Variants in GMEB2 observed in about 807,000 individuals in gnomAD.
GMEB2 encodes glucocorticoid modulatory element binding protein 2.
In GMEB2, 7 loss-of-function variants were observed where a neutral mutation model predicts 45.7. The ratio of observed to expected loss-of-function variants is 0.15; its 90% CI spans 0.09 to 0.29. The LOEUF is 0.29. GMEB2 is among the 10% of genes least tolerant of loss of function. The probability of loss-of-function intolerance (pLI) is 1.00; values close to 1 mark genes in which losing one functional copy is unlikely to be tolerated. For missense variants in GMEB2, 582 were observed against 739.2 expected (o/e 0.79, Z 2.47); for synonymous variants, 322 against 323.6 (o/e 1.00, Z 0.05).
At chr20:63,621,667 CAAAAAAAAAAAAAA>C (rs56222018) in intron 1 of GMEB2, among the ~76,000 whole-genome samples, 84 of 54,614 alleles carry the variant, frequency 1.5e-3, no homozygotes, top group Admixed American at 3.6e-3. Context: ...AACTCCATCT[CAAAAAAAAAAAAAA>C]AAAAAAAAAA....
At position 63,589,042 on chromosome 20, in the gene GMEB2, G is replaced by T. The variant is rs1288784734; in HGVS notation, c.*1047C>A. ...AGAGACCACCAAGGGCCAGCCCAGGGGCTGCATGGGGGCCGGGGGCCAGGG... is the reference window on the plus strand; with the variant it reads ...AGAGACCACCAAGGGCCAGCCCAGGTGCTGCATGGGGGCCGGGGGCCAGGG... On this transcript the variant is annotated 3_prime_UTR_variant, in exon 10 of 10. Coordinates refer to ENST00000370077, the MANE Select transcript of GMEB2 (RefSeq NM_012384.5). 5.0e-6 allele frequency: 2 copies of T among 398,908 alleles called. No homozygotes were observed. Among genetic ancestry groups the T allele is most frequent in the Non-Finnish European group, 8.8e-6 (2 of 226,358 alleles). 24.7% of individuals were successfully genotyped at this position (398,908 alleles called of 1,614,324 possible). A position where few individuals can be genotyped will look rare whatever the true frequency, so the allele number is the denominator to read the frequency against.
At chr20:63,621,667 C>CA (rs56222018) in intron 1 of GMEB2, among the ~76,000 whole-genome samples, 5,895 of 54,436 alleles carry the variant, frequency 0.11, 1,221 homozygotes, top group Non-Finnish European at 0.14. Context: ...AACTCCATCT[C>CA]AAAAAAAAAA....
In GMEB2 at chr20:63,590,524, C is replaced by T. The variant is rs778865423; in HGVS notation, c.1158G>A (p.Pro386=). The change falls in exon 10 of 10, where the codon CCG becomes CCA. Residue 386 remains proline, a synonymous_variant. Transcript: ENST00000370077. ...LTQSAQLALG[P]GVPVPQLTSV... is the part of the protein sequence containing the mutation. Reference sequence around the variant, plus strand: ...TGGTCAGCTGGGGGACGGGCACGCCCGGGCCAAGCGCCAGCTGGGCAGACT... The same window carrying T: ...TGGTCAGCTGGGGGACGGGCACGCCTGGGCCAAGCGCCAGCTGGGCAGACT... The T allele has an allele frequency of 2.4e-5, 36 of 1,516,688 alleles. No homozygotes were observed. Among genetic ancestry groups the T allele is most frequent in the South Asian group, 2.2e-4 (17 of 77,660 alleles). 94.0% of individuals were successfully genotyped at this position (1,516,688 alleles called of 1,614,324 possible).
intron 2 of GMEB2, among the ~76,000 whole-genome samples, chr20:63,608,967 A>ACC (rs1361245781): frequency 0.058 from 662 of 11,388 alleles, 82 homozygotes; most frequent in Non-Finnish European, 0.17. Flanking sequence ...TGCCCCTCTG[A>ACC]CTCACCTCCA....
intron 9 of GMEB2, among the ~76,000 whole-genome samples, chr20:63,591,410 G>A (rs1024236928): frequency 2.0e-5 from 3 of 152,080 alleles, no homozygotes; most frequent in Admixed American, 6.5e-5. Flanking sequence ...TGGAGGAAAC[G>A]CACCAATATC....
chr20:63,606,889 C>T (rs2089523733), intron 2 of GMEB2, among the ~76,000 whole-genome samples: 1 of 152,180 alleles, frequency 6.6e-6, no homozygotes. Context: ...CCCTAGAGAG[C>T]CCACAGGAAG....
chr20:63,622,458 C>A (rs1276375616), intron 1 of GMEB2, among the ~76,000 whole-genome samples: 1 of 152,174 alleles, frequency 6.6e-6, no homozygotes, highest in African/African-American at 2.4e-5. Flanking sequence ...CTTACTCAAC[C>A]GACATTTTCC....
chr20:63,593,090 C>G lies in GMEB2; in HGVS notation c.620-8G>C. On this transcript the variant is annotated splice_polypyrimidine_tract_variant and splice_region_variant and intron_variant, in intron 6 of 9. Transcript: ENST00000370077. This position sits in a 1 kb window ranked among gnomAD's most constrained non-coding sequence, Gnocchi z 4.7. ...TCGCAGGAGACCCATTCACTGCAGC[C>G]GAAAGGGAACCTCGGGTGAGTGCTG... 6.3e-7 allele frequency: 1 copy of G among 1,595,712 alleles called. No individual in the cohort carries two copies. Among genetic ancestry groups the G allele is most frequent in the Non-Finnish European group, 8.6e-7 (1 of 1,164,996 alleles).
chr20:63,600,225 C>T (rs112457918), intron 4 of GMEB2, among the ~76,000 whole-genome samples: 11 of 151,528 alleles, frequency 7.3e-5, no homozygotes, highest in African/African-American at 2.4e-4. Flanking sequence ...TTGTATTTGT[C>T]GCAGAGATGG....
chr20:63,617,158 T>C (rs2089614676), intron 2 of GMEB2, among the ~76,000 whole-genome samples: 1 of 152,086 alleles, frequency 6.6e-6, no homozygotes, highest in African/African-American at 2.4e-5. Context: ...ATTGTGTTTT[T>C]TGTAGAGATG....
chr20:63,620,463 G>T (rs1169710539), intron 1 of GMEB2, among the ~76,000 whole-genome samples: 2 of 152,212 alleles, frequency 1.3e-5, no homozygotes, highest in South Asian at 2.1e-4. Flanking sequence ...GTCAGAGTGT[G>T]GGGGAGGCGA....
rs533801412 is a variant in GMEB2 at position 63,611,196 on chromosome 20, G to A, written c.132-6356C>T. On this transcript the variant is annotated intron_variant, in intron 2 of 9. Transcript: ENST00000370077. ...GGGACACACAGCACCGCCTCTGCGT[G>A]GGGAGAGGGCACAGGCTAAGGGCAC... Among the ~76,000 whole-genome samples the A allele has an allele frequency of 3.9e-5, 6 of 152,374 alleles. No homozygotes were observed. The East Asian group carries it at 1.2e-3, about 29-fold the overall frequency.
intron 2 of GMEB2, among the ~76,000 whole-genome samples, chr20:63,611,122 C>G (rs1409704833): frequency 6.6e-6 from 1 of 152,252 alleles, no homozygotes; most frequent in South Asian, 2.1e-4. Context: ...AGGCTGCAAG[C>G]ATGGCTAATT....
chr20:63,593,163 A>G lies in GMEB2; in HGVS notation c.620-81T>C, dbSNP rs2083164825. The G allele has an allele frequency of 2.5e-6, 2 of 806,466 alleles. No individual in the cohort carries two copies. Among genetic ancestry groups the G allele is most frequent in the Non-Finnish European group, 4.3e-6 (2 of 464,612 alleles). The allele number at this position is 806,466 out of a possible 1,614,324, so 50.0% of individuals were successfully genotyped here. On this transcript the variant is annotated intron_variant, in intron 6 of 9. Coordinates refer to ENST00000370077, the MANE Select transcript of GMEB2 (RefSeq NM_012384.5). The surrounding 1 kb of genome is among the most constrained non-coding windows in gnomAD (Gnocchi z 4.7). The stretch of plus-strand genomic sequence containing the variant: ...CACATACCCTGTCCACCCTCCTCAC[A>G]CCACCTTCTGAACCTTTCCATCTGT...
chr20:63,604,834 G>C lies in GMEB2; in HGVS notation c.138C>G (p.Asp46Glu). The change falls in exon 3 of 10, where the codon GAC (aspartate) becomes GAG (glutamate). Residue 46 changes from aspartate (D) to glutamate (E), a missense_variant. This residue lies in a region of GMEB2 where 114 missense variants were observed against 123.4 expected (regional missense o/e 0.92). Transcript: ENST00000370077. Reference sequence around the variant, plus strand: ...CTGTCTCCATGTTATCTTCCGTCAGGTCGCCCCTGGTGAAGTGAAGGGAGG... The same window carrying C: ...CTGTCTCCATGTTATCTTCCGTCAGCTCGCCCCTGGTGAAGTGAAGGGAGG... ...VTTNLAPHGGDLTEDNMETEN... is the reference protein window; with the variant it reads ...VTTNLAPHGGELTEDNMETEN... The C allele has an allele frequency of 6.2e-7, 1 of 1,600,198 alleles. No individual in the cohort carries two copies.
At chr20:63,611,776 G>A (rs73134056) in intron 2 of GMEB2, among the ~76,000 whole-genome samples, 5,210 of 152,076 alleles carry the variant, frequency 0.034, 128 homozygotes, top group Non-Finnish European at 0.051. Context: ...CCAGTGCTTC[G>A]GGAGGCTGAG....
chr20:63,609,061 GCC>G (rs1162015653), intron 2 of GMEB2, among the ~76,000 whole-genome samples: 1 of 74,556 alleles, frequency 1.3e-5, no homozygotes. Flanking sequence ...CTAGAAACAT[GCC>G]CCTGACCCCA....
intron 2 of GMEB2, among the ~76,000 whole-genome samples, chr20:63,616,504 T>C (rs2089609468): frequency 6.6e-6 from 1 of 152,026 alleles, no homozygotes; most frequent in African/African-American, 2.4e-5. Flanking sequence ...ATCACAACAA[T>C]GCAGAGGGAA....
Position 63,619,430 on chromosome 20 carries a change from C to A in GMEB2, c.-33G>T. On this transcript the variant is annotated 5_prime_UTR_variant, in exon 2 of 10. Transcript: ENST00000370077. This position sits in a 1 kb window ranked among gnomAD's most constrained non-coding sequence, Gnocchi z 4.6. Reference sequence around the variant, plus strand: ...CGGAAGGGGACGCCCAGGCCAGCAGCGTCAGTCCTCCAGGGTCCCAAGTCC... The same window carrying A: ...CGGAAGGGGACGCCCAGGCCAGCAGAGTCAGTCCTCCAGGGTCCCAAGTCC... 6.2e-7 allele frequency: 1 copy of A among 1,600,658 alleles called. No individual in the cohort carries two copies.
Sources: allele counts gnomAD v4.1 joint callset (sites outside exome capture counted in the v4.1 genomes callset), GRCh38; gene constraint gnomAD v4.1.1; regional missense constraint gnomAD v4.1.1; non-coding constraint Gnocchi (gnomAD v3.1); transcripts MANE v1.5; gene names NCBI Gene and HGNC (gene_info 2026-07-23, HGNC 2026-07-21).